Variants in ANO10 observed in about 807,000 individuals in gnomAD.
ANO10 encodes anoctamin 10.
A neutral mutation model predicts 74.7 loss-of-function variants in ANO10; 77 were observed. That is an observed-to-expected ratio of 1.03 (90% CI 0.86 to 1.25). The LOEUF is 1.25. Ranked by LOEUF, ANO10 falls within the 50% of genes most tolerant of loss-of-function variation. The pLI is 0.00. For synonymous variants in ANO10, 279 were observed against 284.9 expected (o/e 0.98, Z 0.21); for missense variants, 721 against 778.1 (o/e 0.93, Z 0.87).
At chr3:43,526,854 C>T (rs1315522949) in intron 11 of ANO10, among the ~76,000 whole-genome samples, 2 of 122,920 alleles carry the variant, frequency 1.6e-5, no homozygotes, top group Non-Finnish European at 3.7e-5. Context: ...AGCAGAGGTC[C>T]CTTAAGTTCT....
At chr3:43,416,635 C>G (rs1242684441) in intron 12 of ANO10, among the ~76,000 whole-genome samples, 1 of 152,170 alleles carries the variant, frequency 6.6e-6, no homozygotes, top group Non-Finnish European at 1.5e-5. Context: ...ACTTGTGAGG[C>G]CTTGTTCACA....
intron 11 of ANO10, among the ~76,000 whole-genome samples, chr3:43,500,846 T>A (rs1236644668): frequency 6.6e-6 from 1 of 152,184 alleles, no homozygotes; most frequent in Non-Finnish European, 1.5e-5. Flanking sequence ...CTCCATAAGC[T>A]TTGACATCTA....
chr3:43,686,610 G>A (rs527916610), intron 1 of ANO10, among the ~76,000 whole-genome samples: 1 of 152,260 alleles, frequency 6.6e-6, no homozygotes, highest in African/African-American at 2.4e-5. Flanking sequence ...TATAGATGAG[G>A]ATTAAGAGAT....
intron 1 of ANO10, among the ~76,000 whole-genome samples, chr3:43,615,608 C>T (rs1481354694): frequency 6.6e-6 from 1 of 151,738 alleles, no homozygotes; most frequent in Non-Finnish European, 1.5e-5. Context: ...ATACACACTT[C>T]AGTTAAAGCC....
chr3:43,411,679 T>C (rs375382544), intron 12 of ANO10, among the ~76,000 whole-genome samples: 1 of 152,148 alleles, frequency 6.6e-6, no homozygotes, highest in African/African-American at 2.4e-5. Context: ...CTTACAACAA[T>C]GGAAAACTCA....
intron 12 of ANO10, among the ~76,000 whole-genome samples, chr3:43,415,849 G>A (rs1031668250): frequency 2.0e-5 from 3 of 152,088 alleles, no homozygotes; most frequent in Non-Finnish European, 4.4e-5. Flanking sequence ...GCCAAAAAAT[G>A]ACAATTCTTT....
intron 11 of ANO10, among the ~76,000 whole-genome samples, chr3:43,503,162 T>C (rs2077161717): frequency 1.3e-5 from 2 of 152,230 alleles, no homozygotes; most frequent in Non-Finnish European, 1.5e-5. Context: ...ACTACAGTTA[T>C]GGATGTAGTG....
chr3:43,652,331 G>A (rs1261949185), intron 1 of ANO10, among the ~76,000 whole-genome samples: 1 of 152,140 alleles, frequency 6.6e-6, no homozygotes, highest in Admixed American at 6.5e-5. Flanking sequence ...GGATAGAATT[G>A]AGAATCCAGA....
chr3:43,479,246 G>A (rs1247088135), intron 11 of ANO10, among the ~76,000 whole-genome samples: 4 of 152,064 alleles, frequency 2.6e-5, no homozygotes, highest in African/African-American at 7.3e-5. Flanking sequence ...TGTCTCATGT[G>A]GTAAAAACAC....
chr3:43,387,440 A>T (rs1357127265), intron 12 of ANO10, among the ~76,000 whole-genome samples: 1 of 151,696 alleles, frequency 6.6e-6, no homozygotes, highest in Non-Finnish European at 1.5e-5. Context: ...CAGGAGGGAG[A>T]GCACTGTCAG....
At chr3:43,460,831 C>T (rs1295575105) in intron 11 of ANO10, among the ~76,000 whole-genome samples, 3 of 151,862 alleles carry the variant, frequency 2.0e-5, no homozygotes, top group African/African-American at 7.3e-5. Flanking sequence ...TAAGAAAATC[C>T]TGTATTCATA....
At chr3:43,408,328 T>C (rs1370701750) in intron 12 of ANO10, among the ~76,000 whole-genome samples, 2 of 152,224 alleles carry the variant, frequency 1.3e-5, no homozygotes, top group Non-Finnish European at 2.9e-5. Flanking sequence ...TATTAATTAA[T>C]CTTAGAGATT....
At chr3:43,580,077 CA>C (rs2081194420) in intron 5 of ANO10, among the ~76,000 whole-genome samples, 1 of 146,478 alleles carries the variant, frequency 6.8e-6, no homozygotes, top group East Asian at 2.0e-4. Flanking sequence ...TCTGGAAGGT[CA>C]AGGCTGCAGT....
chr3:43,669,424 T>C (rs1489368940), intron 1 of ANO10, among the ~76,000 whole-genome samples: 1 of 152,108 alleles, frequency 6.6e-6, no homozygotes, highest in Non-Finnish European at 1.5e-5. Context: ...TAACTCAGAA[T>C]TGTTCACATT....
rs750684871 is a variant in ANO10 at position 43,561,416 on chromosome 3, C to A, written c.1294-14G>T. On this transcript the variant is annotated splice_polypyrimidine_tract_variant and intron_variant, in intron 8 of 12. Coordinates refer to ENST00000292246, the MANE Select transcript of ANO10 (RefSeq NM_018075.5). Reference sequence around the variant, plus strand: ...AGTGGCCAAGCTCTAAAGAGAAGCACACAAATCACATTTTGGGAATACAGC... The same window carrying A: ...AGTGGCCAAGCTCTAAAGAGAAGCAAACAAATCACATTTTGGGAATACAGC... 2.5e-6 allele frequency: 4 copies of A among 1,612,422 alleles called. No homozygotes were observed. Among genetic ancestry groups the A allele is most frequent in the Non-Finnish European group, 3.4e-6 (4 of 1,178,626 alleles).
At chr3:43,509,812 G>C (rs1273545630) in intron 11 of ANO10, among the ~76,000 whole-genome samples, 1 of 152,114 alleles carries the variant, frequency 6.6e-6, no homozygotes, top group Admixed American at 6.6e-5. Flanking sequence ...TCCTTCAGTG[G>C]GTGAATGTTT....
chr3:43,619,671 G>A (rs1418058983), intron 1 of ANO10, among the ~76,000 whole-genome samples: 4 of 151,036 alleles, frequency 2.6e-5, no homozygotes, highest in South Asian at 2.1e-4. Flanking sequence ...GCAACATGGC[G>A]AAACCCTGTC....
intron 11 of ANO10, among the ~76,000 whole-genome samples, chr3:43,457,553 C>T (rs982203315): frequency 4.6e-5 from 7 of 152,148 alleles, no homozygotes; most frequent in Admixed American, 4.6e-4. Flanking sequence ...GGGGAAACCA[C>T]CCCCATGATT....
intron 12 of ANO10, among the ~76,000 whole-genome samples, chr3:43,430,915 T>C (rs1414711109): frequency 6.6e-6 from 1 of 152,144 alleles, no homozygotes; most frequent in Admixed American, 6.5e-5. Context: ...TACATTTTGG[T>C]TTCTTCTGTA....
Sources: gnomAD v4.1 joint callset for allele counts (sites outside exome capture counted in the v4.1 genomes callset) on GRCh38, gnomAD v4.1.1 for gene constraint, MANE v1.5 for transcripts, NCBI Gene and HGNC (gene_info 2026-07-23, HGNC 2026-07-21) for gene names.